The following RALYL variants were observed in gnomAD, a reference collection of about 807,000 sequenced individuals.
The protein encoded by RALYL is RALY RNA binding protein like.
A neutral mutation model predicts 35.1 loss-of-function variants in RALYL; 29 were observed. The ratio of observed to expected loss-of-function variants is 0.83; its 90% CI spans 0.61 to 1.13. RALYL has a LOEUF of 1.13. Ranked by LOEUF, RALYL falls within the 50% of genes most tolerant of loss-of-function variation. The pLI is 0.00. For missense variants in RALYL, 359 were observed against 360.4 expected, an observed-to-expected ratio of 1.00 and a Z score of 0.03; for synonymous variants, 120 against 127.6, an observed-to-expected ratio of 0.94 and a Z score of 0.40.
chr8:84,209,213 T>TGA (rs1386766093), intron 1 of RALYL, among the ~76,000 whole-genome samples: 1 of 151,796 alleles, frequency 6.6e-6, no homozygotes, highest in African/African-American at 2.4e-5. Context: ...ATTGTCTTGC[T>TGA]GATATTCCCT....
chr8:84,821,115 T>A (rs541759239), intron 4 of RALYL, among the ~76,000 whole-genome samples: 5 of 152,320 alleles, frequency 3.3e-5, no homozygotes, highest in African/African-American at 1.2e-4. Flanking sequence ...CTCCATTAAA[T>A]ATACTGAAGA....
At chr8:84,298,985 T>A (rs1292693307) in intron 1 of RALYL, among the ~76,000 whole-genome samples, 2 of 152,030 alleles carry the variant, frequency 1.3e-5, no homozygotes, top group Non-Finnish European at 1.5e-5. Flanking sequence ...TTTCTAGGTA[T>A]AAAACCATAA....
intron 2 of RALYL, among the ~76,000 whole-genome samples, chr8:84,557,022 G>A (rs546753295): frequency 7.2e-5 from 11 of 152,120 alleles, no homozygotes; most frequent in Non-Finnish European, 1.5e-4. Flanking sequence ...AGATACAGCC[G>A]CAGATCTGAA....
intron 1 of RALYL, among the ~76,000 whole-genome samples, chr8:84,270,984 C>A (rs559586917): frequency 6.6e-6 from 1 of 150,994 alleles, no homozygotes; most frequent in Non-Finnish European, 1.5e-5. Context: ...ATTCTTAAAA[C>A]GTAGAGAATA....
chr8:84,693,959 A>G (rs1275031107), intron 2 of RALYL, among the ~76,000 whole-genome samples: 1 of 151,916 alleles, frequency 6.6e-6, no homozygotes, highest in East Asian at 1.9e-4. Flanking sequence ...AGGTATAAAA[A>G]TAATGTACCT....
chr8:84,680,119 C>T lies in RALYL; in HGVS notation c.257-94460C>T, dbSNP rs560359796. On this transcript the variant is annotated intron_variant, in intron 2 of 8. Coordinates refer to ENST00000521268, the MANE Select transcript of RALYL (RefSeq NM_173848.7). Reference sequence around the variant, plus strand: ...TGCGGTGTTTGGTTTTTTGTCCTTGCGATAGTTTGCTGAGAATGATGGTTT... The same window carrying T: ...TGCGGTGTTTGGTTTTTTGTCCTTGTGATAGTTTGCTGAGAATGATGGTTT... Among the ~76,000 whole-genome samples, 7 of 151,984 alleles carry T rather than the reference C, an allele frequency of 4.6e-5. No homozygotes were observed. In the South Asian group the frequency reaches 6.2e-4, roughly 14 times the overall value.
intron 4 of RALYL, among the ~76,000 whole-genome samples, chr8:84,825,411 G>A (rs1490999254): frequency 1.3e-5 from 2 of 152,156 alleles, no homozygotes; most frequent in Non-Finnish European, 1.5e-5. Flanking sequence ...ATGTAAATTA[G>A]TTCAACCACT....
chr8:84,273,070 G>A (rs1172145418), intron 1 of RALYL, among the ~76,000 whole-genome samples: 6 of 152,184 alleles, frequency 3.9e-5, no homozygotes, highest in Non-Finnish European at 1.5e-5. Flanking sequence ...TGATCATAAC[G>A]TTTTATAGTC....
At chr8:84,501,254 T>G (rs1249088348) in intron 1 of RALYL, among the ~76,000 whole-genome samples, 3 of 152,120 alleles carry the variant, frequency 2.0e-5, no homozygotes, top group Non-Finnish European at 4.4e-5. Flanking sequence ...TTTCTTTTGC[T>G]CTCCGAAGTT....
intron 1 of RALYL, among the ~76,000 whole-genome samples, chr8:84,192,455 T>G (rs1286762076): frequency 6.6e-6 from 1 of 152,198 alleles, no homozygotes; most frequent in Non-Finnish European, 1.5e-5. Flanking sequence ...TTTGGTAGAA[T>G]TGGGAAATTT....
chr8:84,572,185 G>C (rs751460722), intron 2 of RALYL, among the ~76,000 whole-genome samples: 1 of 151,690 alleles, frequency 6.6e-6, no homozygotes, highest in African/African-American at 2.4e-5. Context: ...TCTCTTGTAT[G>C]CAGCAGATGT....
intron 3 of RALYL, among the ~76,000 whole-genome samples, chr8:84,796,430 C>T (rs2133913561): frequency 6.6e-6 from 1 of 152,144 alleles, no homozygotes; most frequent in South Asian, 2.1e-4. Flanking sequence ...ATATCCTTTC[C>T]CTATTACATA....
Position 84,788,320 on chromosome 8 carries a change from C to T in RALYL, c.332+13666C>T, listed in dbSNP as rs556094370. 5.3e-5 allele frequency among the ~76,000 whole-genome samples: 8 copies of T among 152,184 alleles called. No homozygotes were observed. The South Asian group carries it at 6.2e-4, about 12-fold the overall frequency. On this transcript the variant is annotated intron_variant, in intron 3 of 8. Transcript: ENST00000521268. ...GACAAACCTGACAAAAACAAGCCAT[C>T]GGGAAAGGATTCCCTATTTAATAAA... is the stretch of plus-strand genomic sequence containing the variant.
chr8:84,785,127 G>GTTTTTTATT (rs1401377550), intron 3 of RALYL, among the ~76,000 whole-genome samples: 2 of 152,070 alleles, frequency 1.3e-5, no homozygotes, highest in African/African-American at 4.8e-5. Context: ...GGTGCTTTTT[G>GTTTTTTATT]TTTTTTATAA....
intron 1 of RALYL, among the ~76,000 whole-genome samples, chr8:84,473,823 T>G (rs2053080348): frequency 6.6e-6 from 1 of 152,000 alleles, no homozygotes. Flanking sequence ...TGATCTATCA[T>G]GTGAAACCAT....
chr8:84,368,585 T>C (rs1460015850), intron 1 of RALYL, among the ~76,000 whole-genome samples: 1 of 152,140 alleles, frequency 6.6e-6, no homozygotes, highest in Non-Finnish European at 1.5e-5. Context: ...CTCACAATCA[T>C]GGTGGAAGGT....
intron 3 of RALYL, among the ~76,000 whole-genome samples, chr8:84,792,845 T>C (rs932450973): frequency 6.6e-6 from 1 of 152,204 alleles, no homozygotes; most frequent in Admixed American, 6.5e-5. Context: ...CAAACCTGGA[T>C]TGCAAGTTCC....
chr8:84,622,779 A>T (rs1821831881), intron 2 of RALYL, among the ~76,000 whole-genome samples: 1 of 152,232 alleles, frequency 6.6e-6, no homozygotes, highest in South Asian at 2.1e-4. Flanking sequence ...ATGGGAAATA[A>T]AGGAAACAAC....
chr8:84,826,561 C>T (rs1241147111), intron 4 of RALYL, among the ~76,000 whole-genome samples: 1 of 152,040 alleles, frequency 6.6e-6, no homozygotes, highest in East Asian at 1.9e-4. Context: ...TATGAGACTG[C>T]TCTCTATTTG....
Sources: allele counts gnomAD v4.1 joint callset (sites outside exome capture counted in the v4.1 genomes callset), GRCh38; gene constraint gnomAD v4.1.1; transcripts MANE v1.5; gene names NCBI Gene and HGNC (gene_info 2026-07-23, HGNC 2026-07-21).